Variants in TAFA5 observed in about 807,000 individuals in gnomAD.
The protein encoded by TAFA5 is TAFA chemokine like family member 5, also known as chemokine-like protein TAFA-5.
In TAFA5, 6 loss-of-function variants were observed where a neutral mutation model predicts 15.3. That is an observed-to-expected ratio of 0.39 (90% CI 0.21 to 0.77). The LOEUF is 0.77. Among genes scored for constraint, TAFA5 ranks in the 30% least tolerant of loss-of-function variants. The probability of loss-of-function intolerance (pLI) is 0.41; values close to 1 mark genes in which losing one functional copy is unlikely to be tolerated. For missense variants in TAFA5, 161 were observed against 193.1 expected, an observed-to-expected ratio of 0.83 and a Z score of 0.98; for synonymous variants, 103 against 80.7, an observed-to-expected ratio of 1.28 and a Z score of -1.48.
rs1930446951 is a variant in TAFA5, at chr22:48,750,256, G to A, written c.*409G>A. Reference sequence around the variant, plus strand: ...CCAGGGGACTGTCAGGCACAGAAGCGGCCTCCTCCCGTGCCCCAGACTGTC... The same window carrying A: ...CCAGGGGACTGTCAGGCACAGAAGCAGCCTCCTCCCGTGCCCCAGACTGTC... On this transcript the variant is annotated 3_prime_UTR_variant, in exon 4 of 4. Coordinates refer to ENST00000402357, the MANE Select transcript of TAFA5 (RefSeq NM_001082967.3). 2 of 267,092 alleles carry A rather than the reference G, an allele frequency of 7.5e-6. No individual in the cohort carries two copies. The highest frequency in any genetic ancestry group is 6.6e-5 in the South Asian group (1 of 15,230). 16.5% of individuals were successfully genotyped at this position (267,092 alleles called of 1,614,324 possible). A position where few individuals can be genotyped will look rare whatever the true frequency, so the allele number is the denominator to read the frequency against.
chr22:48,576,423 C>G (rs898973572), intron 1 of TAFA5: 28 of 1,276,196 alleles, frequency 2.2e-5, no homozygotes, highest in African/African-American at 3.1e-5. Flanking sequence ...GGCGCTGATG[C>G]GGCGCCTGGA....
chr22:48,594,088 G>C (rs1162170303), intron 1 of TAFA5, among the ~76,000 whole-genome samples: 1 of 152,232 alleles, frequency 6.6e-6, no homozygotes, highest in Non-Finnish European at 1.5e-5. Flanking sequence ...GATCCTCCCA[G>C]GCCCTGGTCA....
At chr22:48,572,203 C>T (rs1374786308) in intron 1 of TAFA5, among the ~76,000 whole-genome samples, 1 of 152,216 alleles carries the variant, frequency 6.6e-6, no homozygotes, top group Non-Finnish European at 1.5e-5. Flanking sequence ...CTGCAAACAC[C>T]TAGTGATCTC....
At chr22:48,678,239 G>C (rs747838901) in intron 2 of TAFA5, among the ~76,000 whole-genome samples, 13 of 152,158 alleles carry the variant, frequency 8.5e-5, no homozygotes, top group South Asian at 6.2e-4. Context: ...TGGGCTATAA[G>C]GGCCCCCAGG....
intron 2 of TAFA5, among the ~76,000 whole-genome samples, chr22:48,653,192 C>A (rs761792): frequency 6.6e-6 from 1 of 152,108 alleles, no homozygotes; most frequent in Non-Finnish European, 1.5e-5. Flanking sequence ...GGGCTGTTGG[C>A]GACACTTTCT....
chr22:48,643,417 C>A (rs1254986211), intron 1 of TAFA5, among the ~76,000 whole-genome samples: 1 of 152,110 alleles, frequency 6.6e-6, no homozygotes, highest in African/African-American at 2.4e-5. Flanking sequence ...TGAGAGTGTT[C>A]GGTTGGCCGT....
At chr22:48,691,699 C>T (rs779052751) in intron 2 of TAFA5, among the ~76,000 whole-genome samples, 7 of 152,238 alleles carry the variant, frequency 4.6e-5, no homozygotes, top group African/African-American at 1.4e-4. Flanking sequence ...CCCTACGGGG[C>T]GCCTGCCCCT....
intron 1 of TAFA5, among the ~76,000 whole-genome samples, chr22:48,574,937 G>C (rs1923709158): frequency 6.6e-6 from 1 of 152,230 alleles, no homozygotes; most frequent in African/African-American, 2.4e-5. Flanking sequence ...AACGGAACGT[G>C]GGCATTAACA....
chr22:48,590,724 G>A (rs1924537619), intron 1 of TAFA5, among the ~76,000 whole-genome samples: 1 of 152,130 alleles, frequency 6.6e-6, no homozygotes, highest in African/African-American at 2.4e-5. Flanking sequence ...AAAGATCAAT[G>A]TTTGTGCCCA....
At chr22:48,588,857 C>T (rs926236639) in intron 1 of TAFA5, among the ~76,000 whole-genome samples, 2 of 152,064 alleles carry the variant, frequency 1.3e-5, no homozygotes, top group East Asian at 1.9e-4. Context: ...CCTGGCCCCC[C>T]GTGATCTTCC....
chr22:48,621,089 C>G (rs1262698676), intron 1 of TAFA5, among the ~76,000 whole-genome samples: 1 of 96,056 alleles, frequency 1.0e-5, no homozygotes, highest in African/African-American at 4.5e-5. Flanking sequence ...ACCCACCCAC[C>G]CAATCTACTA....
At chr22:48,721,229 G>A (rs1290151855) in intron 3 of TAFA5, among the ~76,000 whole-genome samples, 1 of 152,236 alleles carries the variant, frequency 6.6e-6, no homozygotes, top group African/African-American at 2.4e-5. Context: ...GGTTGCCCCT[G>A]TGAGGGACAA....
intron 1 of TAFA5, among the ~76,000 whole-genome samples, chr22:48,608,091 C>T (rs117044729): frequency 5.7e-3 from 670 of 117,282 alleles, no homozygotes; most frequent in African/African-American, 0.01. Context: ...CCTCCCACGG[C>T]CCCAGGCTGC....
intron 1 of TAFA5, among the ~76,000 whole-genome samples, chr22:48,610,471 G>A (rs187156050): frequency 4.5e-4 from 68 of 152,354 alleles, no homozygotes; most frequent in African/African-American, 8.9e-4. Context: ...AGTGAACTGC[G>A]GACCTTCATG....
rs1459038299 is a variant in TAFA5 at position 48,552,216 on chromosome 22, G to A, written c.112+62512G>A. Among the ~76,000 whole-genome samples the A allele has an allele frequency of 1.3e-5, 2 of 152,158 alleles. No homozygotes were observed. Among genetic ancestry groups the A allele is most frequent in the East Asian group, 1.9e-4 (1 of 5,188 alleles). On this transcript the variant is annotated intron_variant, in intron 1 of 3. Coordinates refer to ENST00000402357, the MANE Select transcript of TAFA5 (RefSeq NM_001082967.3). The surrounding 1 kb of genome is among the most constrained non-coding windows in gnomAD (Gnocchi z 4.1). ...CACATGGCTCTTCTGCTGTGGAGAAGGGTCCACACTTGCCTCCTGTGGGCC... is the reference window on the plus strand; with the variant it reads ...CACATGGCTCTTCTGCTGTGGAGAAAGGTCCACACTTGCCTCCTGTGGGCC...
At chr22:48,584,507 A>C (rs1351502801) in intron 1 of TAFA5, among the ~76,000 whole-genome samples, 1 of 150,042 alleles carries the variant, frequency 6.7e-6, no homozygotes, top group African/African-American at 2.5e-5. Context: ...AATACACCAC[A>C]CACACACACA....
At chr22:48,539,427 G>A in intron 1 of TAFA5, 1 of 471,228 alleles carries the variant, frequency 2.1e-6, no homozygotes, top group South Asian at 1.5e-5. Flanking sequence ...AGGAAAAGCT[G>A]TTTTGATTTC....
intron 2 of TAFA5, among the ~76,000 whole-genome samples, chr22:48,665,424 C>T (rs79558241): frequency 0.016 from 2,413 of 152,246 alleles, 66 homozygotes; most frequent in African/African-American, 0.054. Context: ...CCTTCCAGGT[C>T]GTGTGTTTTG....
chr22:48,673,108 T>C (rs1028503), intron 2 of TAFA5, among the ~76,000 whole-genome samples: 73,721 of 151,968 alleles, frequency 0.49, 18,378 homozygotes, highest in East Asian at 0.59. Context: ...TCTGGGGCAC[T>C]GTGCTCTAGA....
Sources: allele counts gnomAD v4.1 joint callset (sites outside exome capture counted in the v4.1 genomes callset), GRCh38; gene constraint gnomAD v4.1.1; non-coding constraint Gnocchi (gnomAD v3.1); transcripts MANE v1.5; gene names NCBI Gene and HGNC (gene_info 2026-07-23, HGNC 2026-07-21).